The following NIPBL variants were observed in gnomAD, a reference collection of about 807,000 sequenced individuals.
The protein encoded by NIPBL is nipped-B-like protein.
NIPBL carries 19 observed loss-of-function variants against 321.8 expected under a neutral mutation model. The ratio of observed to expected loss-of-function variants is 0.06; its 90% CI spans 0.04 to 0.09. The LOEUF is 0.09. Ranked by LOEUF, NIPBL falls within the 10% of genes least tolerant of loss-of-function variation. The probability of loss-of-function intolerance (pLI) is 1.00; values close to 1 mark genes in which losing one functional copy is unlikely to be tolerated. For missense variants in NIPBL, 2,210 were observed against 3,327.0 expected (o/e 0.66, Z 8.26); for synonymous variants, 1,106 against 1,114.1 (o/e 0.99, Z 0.14).
At chr5:36,955,719 A>G (rs1740865135) in intron 3 of NIPBL, 82 bp downstream of exon 3, 2 of 1,030,042 alleles carry the variant, frequency 1.9e-6, no homozygotes, top group Non-Finnish European at 3.0e-6. Context: ...GTTTTATTTC[A>G]GAAATTTTTA....
intron 42 of NIPBL, among the ~76,000 whole-genome samples, chr5:37,052,973 C>G (rs922079165): frequency 6.6e-6 from 1 of 152,128 alleles, no homozygotes; most frequent in Non-Finnish European, 1.5e-5. Flanking sequence ...AGGGAAGTCA[C>G]TTTTCTGTAT....
intron 6 of NIPBL, among the ~76,000 whole-genome samples, chr5:36,966,073 C>G (rs1315673776): frequency 6.6e-6 from 1 of 152,052 alleles, no homozygotes; most frequent in African/African-American, 2.4e-5. Context: ...AAGGTCAGTT[C>G]TGTGGTATCA....
chr5:37,021,327 C>T (rs1050306617), intron 27 of NIPBL, among the ~76,000 whole-genome samples: 1 of 151,854 alleles, frequency 6.6e-6, no homozygotes, highest in Admixed American at 6.6e-5. Context: ...CCTTGTTCTA[C>T]ATCCCTTTTA....
At chr5:36,980,022 A>C (rs373985344) in intron 9 of NIPBL, among the ~76,000 whole-genome samples, 2,620 of 151,724 alleles carry the variant, frequency 0.017, 30 homozygotes, top group Middle Eastern at 0.041. Context: ...AGGAATGGTG[A>C]CCTTTTTTTT....
intron 1 of NIPBL, among the ~76,000 whole-genome samples, chr5:36,903,363 C>T (rs1378092393): frequency 6.6e-5 from 10 of 152,172 alleles, no homozygotes; most frequent in Non-Finnish European, 1.0e-4. Flanking sequence ...AAGGGGAATG[C>T]TCCCAGCTTT....
chr5:36,898,143 T>TA (rs1049099558), intron 1 of NIPBL, among the ~76,000 whole-genome samples: 12 of 152,064 alleles, frequency 7.9e-5, no homozygotes, highest in Non-Finnish European at 1.3e-4. Flanking sequence ...AAATAAAGAG[T>TA]AAAAATCTAG....
At chr5:37,031,150 A>T (rs1750970070) in intron 32 of NIPBL, among the ~76,000 whole-genome samples, 1 of 151,608 alleles carries the variant, frequency 6.6e-6, no homozygotes, top group African/African-American at 2.4e-5. Context: ...CGCCTGGCTA[A>T]TTTTTTTATA....
In NIPBL at chr5:36,888,642, G is replaced by T. The variant is rs539417903; in HGVS notation, c.-80+11464G>T. Among the ~76,000 whole-genome samples the T allele has an allele frequency of 6.6e-5, 10 of 152,180 alleles. 1 individual carries two copies. Among genetic ancestry groups the T allele is most frequent in the African/African-American group, 1.7e-4 (7 of 41,546 alleles). On this transcript the variant is annotated intron_variant, in intron 1 of 46. Transcript: ENST00000282516. The stretch of plus-strand genomic sequence containing the variant: ...AGCATGCACATATTTTTAATGACAG[G>T]AGTTAGATGTGTTGTAACAGTATTG...
intron 1 of NIPBL, among the ~76,000 whole-genome samples, chr5:36,892,659 A>G (rs560361672): frequency 6.6e-6 from 1 of 152,234 alleles, no homozygotes; most frequent in South Asian, 2.1e-4. Flanking sequence ...GAAGCTGGAA[A>G]CCATCATTCT....
At chr5:36,999,090 G>A (rs983503717) in intron 11 of NIPBL, among the ~76,000 whole-genome samples, 2 of 152,114 alleles carry the variant, frequency 1.3e-5, no homozygotes, top group African/African-American at 4.8e-5. Context: ...TTCTTGAACA[G>A]GAGTAGTTAG....
At chr5:36,886,020 A>C in intron 1 of NIPBL, 1 of 717,188 alleles carries the variant, frequency 1.4e-6, no homozygotes. Flanking sequence ...TACTGGTCTC[A>C]GCAGATTGAG....
intron 45 of NIPBL, among the ~76,000 whole-genome samples, chr5:37,063,288 A>G (rs1009065755): frequency 2.6e-5 from 4 of 152,226 alleles, no homozygotes; most frequent in African/African-American, 9.6e-5. Context: ...TTATTCATTG[A>G]CTGCAAACCT....
chr5:37,012,621 G>A (rs369616475), intron 21 of NIPBL, among the ~76,000 whole-genome samples: 6 of 152,076 alleles, frequency 3.9e-5, no homozygotes, highest in South Asian at 2.1e-4. Flanking sequence ...CCGGCCTTCC[G>A]CAGTGTTTGT....
intron 9 of NIPBL, among the ~76,000 whole-genome samples, chr5:36,979,257 T>C (rs1743871174): frequency 6.6e-6 from 1 of 152,006 alleles, no homozygotes; most frequent in Admixed American, 6.6e-5. Flanking sequence ...TTATCTATGA[T>C]TTATTTTATC....
At chr5:36,878,716 GAT>G (rs1367648207) in intron 1 of NIPBL, among the ~76,000 whole-genome samples, 5 of 152,176 alleles carry the variant, frequency 3.3e-5, no homozygotes, top group African/African-American at 1.2e-4. Context: ...CAAACGTACG[GAT>G]AAATGTTTAA....
intron 1 of NIPBL, among the ~76,000 whole-genome samples, chr5:36,944,489 A>G (rs1739449200): frequency 6.6e-6 from 1 of 152,174 alleles, no homozygotes; most frequent in African/African-American, 2.4e-5. Context: ...AGTTTCTTGA[A>G]AAGATTCTTA....
intron 1 of NIPBL, among the ~76,000 whole-genome samples, chr5:36,919,130 AT>A (rs1748716844): frequency 6.6e-6 from 1 of 152,172 alleles, no homozygotes; most frequent in African/African-American, 2.4e-5. Context: ...CTCTGGTAGA[AT>A]TCGAATCCAT....
chr5:37,000,177 A>C (rs530455627), intron 11 of NIPBL, among the ~76,000 whole-genome samples, 196 bp from the exon 12 acceptor site: 1 of 152,138 alleles, frequency 6.6e-6, no homozygotes, highest in East Asian at 1.9e-4. Context: ...AAGATCTTTA[A>C]ATCTGGGTAG....
chr5:37,029,519 C>T (rs544355643), intron 32 of NIPBL, among the ~76,000 whole-genome samples: 23 of 152,094 alleles, frequency 1.5e-4, no homozygotes, highest in Non-Finnish European at 2.9e-4. Flanking sequence ...AATAATGCTT[C>T]TGTGAATATT....
Sources: gnomAD v4.1 joint callset for allele counts (sites outside exome capture counted in the v4.1 genomes callset) on GRCh38, gnomAD v4.1.1 for gene constraint, MANE v1.5 for transcripts, NCBI Gene and HGNC (gene_info 2026-07-23, HGNC 2026-07-21) for gene names.